Variants in SGPP2 observed in about 807,000 individuals in gnomAD.
SGPP2 encodes the protein sphingosine 1-phosphate phosphohydrolase 2.
SGPP2 carries 30 observed loss-of-function variants against 33.9 expected under a neutral mutation model. The observed-to-expected ratio is 0.89, with a 90% CI of 0.66 to 1.20. The LOEUF is 1.20. SGPP2 is among the 50% of genes most tolerant of loss of function. SGPP2 has a pLI of 0.00. For synonymous variants in SGPP2, 233 were observed against 225.0 expected, an observed-to-expected ratio of 1.04 and a Z score of -0.32; for missense variants, 458 against 532.1, an observed-to-expected ratio of 0.86 and a Z score of 1.37.
At chr2:222,557,657 T>C (rs1420494732) in intron 4 of SGPP2, among the ~76,000 whole-genome samples, 2 of 152,156 alleles carry the variant, frequency 1.3e-5, no homozygotes, top group African/African-American at 4.8e-5. Flanking sequence ...GTTAAAGATA[T>C]TTTAAGCAGG....
chr2:222,559,045 C>A lies in SGPP2; in HGVS notation c.*147C>A. ...TGCTACTACCAGATAAATGATGCTG[C>A]TGTGTGAAAGGAAGAACTGTCTCAT... On this transcript the variant is annotated 3_prime_UTR_variant, in exon 5 of 5. Coordinates refer to ENST00000321276, the MANE Select transcript of SGPP2 (RefSeq NM_152386.4). 1.3e-6 allele frequency: 1 copy of A among 747,172 alleles called. No homozygotes were observed. The highest frequency in any genetic ancestry group is 2.1e-6 in the Non-Finnish European group (1 of 470,020). The allele number at this position is 747,172 out of a possible 1,614,324, so 46.3% of individuals were successfully genotyped here.
At position 222,465,734 on chromosome 2, in the gene SGPP2, G is replaced by A. The variant is rs147563999; in HGVS notation, c.220-8834G>A. On this transcript the variant is annotated intron_variant, in intron 1 of 4. Transcript: ENST00000321276. The surrounding 1 kb of genome is among the most constrained non-coding windows in gnomAD (Gnocchi z 4.1). ...CTGCTCCTTCCAGCCTCAGTCTCAA[G>A]TCTGGGCTTGGTTTCACGTCTGCTC... 1.3e-4 allele frequency among the ~76,000 whole-genome samples: 20 copies of A among 152,282 alleles called. No homozygotes were observed. In the East Asian group the frequency reaches 3.7e-3, roughly 28 times the overall value.
chr2:222,451,393 G>C (rs377392357), intron 1 of SGPP2, among the ~76,000 whole-genome samples: 1 of 152,228 alleles, frequency 6.6e-6, no homozygotes, highest in Non-Finnish European at 1.5e-5. Context: ...CATTTAGAAA[G>C]TATGTGACCA....
Position 222,496,676 on chromosome 2 carries a change from C to T in SGPP2, c.378+21950C>T, listed in dbSNP as rs984646250. Among the ~76,000 whole-genome samples the T allele has an allele frequency of 5.3e-5, 8 of 151,786 alleles. No individual in the cohort carries two copies. The East Asian group carries it at 1.4e-3, about 26-fold the overall frequency. On this transcript the variant is annotated intron_variant, in intron 2 of 4. Coordinates refer to ENST00000321276, the MANE Select transcript of SGPP2 (RefSeq NM_152386.4). Reference sequence around the variant, plus strand: ...CTGTCTGTTCTTATCTCTGGTGAGACCCCCCCGCCATGCCCTACATATCCA... The same window carrying T: ...CTGTCTGTTCTTATCTCTGGTGAGATCCCCCCGCCATGCCCTACATATCCA...
intron 2 of SGPP2, among the ~76,000 whole-genome samples, chr2:222,514,988 T>C (rs1698582636): frequency 6.6e-6 from 1 of 151,636 alleles, no homozygotes; most frequent in Non-Finnish European, 1.5e-5. Flanking sequence ...TTATTCTTTG[T>C]ACATTCATCA....
rs76224226 is a variant in SGPP2 at position 222,483,814 on chromosome 2, T to G, written c.378+9088T>G. Reference sequence around the variant, plus strand: ...GACTTTAAATGTGATTATCTCTTAATCCTCTGTTTAAACCACTACCCCTAC... The same window carrying G: ...GACTTTAAATGTGATTATCTCTTAAGCCTCTGTTTAAACCACTACCCCTAC... On this transcript the variant is annotated intron_variant, in intron 2 of 4. Transcript: ENST00000321276. 3.4e-3 allele frequency among the ~76,000 whole-genome samples: 522 copies of G among 152,308 alleles called. 9 individuals are homozygous for G. The highest frequency in any genetic ancestry group is 0.022 in the Admixed American group (338 of 15,302).
At chr2:222,467,269 T>A (rs944789693) in intron 1 of SGPP2, among the ~76,000 whole-genome samples, 1 of 149,804 alleles carries the variant, frequency 6.7e-6, no homozygotes, top group African/African-American at 2.4e-5. Flanking sequence ...CGGATGCATA[T>A]TACAATTGAG....
intron 2 of SGPP2, among the ~76,000 whole-genome samples, chr2:222,486,840 CT>C (rs985967079): frequency 4.6e-5 from 7 of 151,734 alleles, no homozygotes; most frequent in Non-Finnish European, 7.4e-5. Context: ...TATATTAAGG[CT>C]TTTTTTTGTC....
rs144683145 is a variant in SGPP2 at position 222,492,169 on chromosome 2, C to T, written c.378+17443C>T. On this transcript the variant is annotated intron_variant, in intron 2 of 4. Coordinates refer to ENST00000321276, the MANE Select transcript of SGPP2 (RefSeq NM_152386.4). The stretch of plus-strand genomic sequence containing the variant: ...CATTCTGGGGCCTGGAGGACAGTAG[C>T]CCTCTTCTCCTAAACTCACTAGGCA... Among the ~76,000 whole-genome samples the T allele has an allele frequency of 4.0e-3, 604 of 152,284 alleles. 6 individuals are homozygous for T. Among genetic ancestry groups the T allele is most frequent in the African/African-American group, 0.014 (568 of 41,572 alleles).
chr2:222,532,427 T>C (rs1374269633), intron 4 of SGPP2, among the ~76,000 whole-genome samples: 1 of 152,190 alleles, frequency 6.6e-6, no homozygotes, highest in African/African-American at 2.4e-5. Flanking sequence ...TTGGTGCCCC[T>C]GTCAAGGCTT....
At chr2:222,449,670 C>T (rs1270550443) in intron 1 of SGPP2, among the ~76,000 whole-genome samples, 2 of 152,138 alleles carry the variant, frequency 1.3e-5, no homozygotes, top group African/African-American at 2.4e-5. Context: ...GGGGTTTCAC[C>T]ATGTTAGCCA....
intron 2 of SGPP2, among the ~76,000 whole-genome samples, chr2:222,493,438 C>T (rs756075710): frequency 6.6e-6 from 1 of 152,184 alleles, no homozygotes; most frequent in Non-Finnish European, 1.5e-5. Context: ...TTACTTCCCA[C>T]CTGGGCCCTC....
chr2:222,490,604 A>ATTTTTT (rs60235375), intron 2 of SGPP2, among the ~76,000 whole-genome samples: 1 of 115,436 alleles, frequency 8.7e-6, no homozygotes. Context: ...CACCTGGCTA[A>ATTTTTT]TTTTTTTTTT....
chr2:222,424,234 C>T (rs2106049095), upstream of SGPP2, among the ~76,000 whole-genome samples: 1 of 149,242 alleles, frequency 6.7e-6, no homozygotes, highest in Middle Eastern at 3.4e-3. Context: ...CTCGGCCGCT[C>T]CCATTAGTGT....
intron 2 of SGPP2, among the ~76,000 whole-genome samples, chr2:222,482,818 TA>T (rs1698048825): frequency 1.3e-5 from 2 of 152,276 alleles, no homozygotes; most frequent in Admixed American, 1.3e-4. Context: ...GACAACTAAC[TA>T]GGGCCACAGA....
chr2:222,482,758 A>G (rs1189289332), intron 2 of SGPP2, among the ~76,000 whole-genome samples: 2 of 152,216 alleles, frequency 1.3e-5, no homozygotes, highest in African/African-American at 4.8e-5. Flanking sequence ...TCTCTGGCCA[A>G]TGCATAGATT....
At chr2:222,492,316 A>G (rs2082984) in intron 2 of SGPP2, among the ~76,000 whole-genome samples, 104,250 of 152,176 alleles carry the variant, frequency 0.69, 36,352 homozygotes, top group East Asian at 0.99. Flanking sequence ...ACATCCAGGC[A>G]GTCCCATACA....
At chr2:222,520,111 G>A (rs1439964541) in intron 2 of SGPP2, among the ~76,000 whole-genome samples, 1 of 152,180 alleles carries the variant, frequency 6.6e-6, no homozygotes, top group Non-Finnish European at 1.5e-5. Context: ...CACAGTGACT[G>A]AACTAATTTA....
intron 1 of SGPP2, among the ~76,000 whole-genome samples, chr2:222,472,133 T>C (rs927282377): frequency 3.9e-5 from 6 of 152,220 alleles, no homozygotes; most frequent in Non-Finnish European, 5.9e-5. Flanking sequence ...ATTTAAAAGA[T>C]GAATTTGTAA....
Sources: allele counts gnomAD v4.1 joint callset (sites outside exome capture counted in the v4.1 genomes callset), GRCh38; gene constraint gnomAD v4.1.1; non-coding constraint Gnocchi (gnomAD v3.1); transcripts MANE v1.5; gene names NCBI Gene and HGNC (gene_info 2026-07-23, HGNC 2026-07-21).